LRP1B: variants seen among roughly 807,000 people sequenced by gnomAD.
The protein encoded by LRP1B is low-density lipoprotein receptor-related protein 1B.
A neutral mutation model predicts 556.6 loss-of-function variants in LRP1B; 217 were observed. The observed-to-expected ratio is 0.39, with a 90% CI of 0.35 to 0.44. LRP1B has a LOEUF of 0.44. LRP1B is among the 20% of genes least tolerant of loss of function. The pLI, the probability that LRP1B is intolerant of heterozygous loss-of-function variation, is 1.00. For synonymous variants in LRP1B, 2,047 were observed against 1,865.8 expected (o/e 1.10, Z -2.50); for missense variants, 5,053 against 5,620.8 (o/e 0.90, Z 3.23).
At chr2:140,719,234 A>T (rs1254772303) in intron 35 of LRP1B, among the ~76,000 whole-genome samples, 2 of 152,112 alleles carry the variant, frequency 1.3e-5, no homozygotes, top group East Asian at 3.9e-4. Flanking sequence ...TGGGAGGCAG[A>T]TACAAAGAAA....
At chr2:140,998,441 T>TC (rs1162138376) in intron 15 of LRP1B, among the ~76,000 whole-genome samples, 1 of 152,076 alleles carries the variant, frequency 6.6e-6, no homozygotes, top group Non-Finnish European at 1.5e-5. Flanking sequence ...TGTGTTTTTT[T>TC]CCCACAAACA....
chr2:141,712,905 C>T (rs62166558), intron 2 of LRP1B, among the ~76,000 whole-genome samples: 2 of 144,028 alleles, frequency 1.4e-5, no homozygotes, highest in Admixed American at 1.4e-4. Context: ...GTCTCTAACT[C>T]CTGACCTCAT....
intron 7 of LRP1B, among the ~76,000 whole-genome samples, chr2:141,179,272 G>A (rs1305625891): frequency 6.6e-6 from 1 of 152,036 alleles, no homozygotes; most frequent in Non-Finnish European, 1.5e-5. Flanking sequence ...TTAGGTATGT[G>A]TTGAAATTAG....
At chr2:141,998,921 T>C (rs528859238) in intron 1 of LRP1B, among the ~76,000 whole-genome samples, 300 of 152,308 alleles carry the variant, frequency 2.0e-3, no homozygotes, top group Non-Finnish European at 3.2e-3. Flanking sequence ...GACAAACTGT[T>C]AGTTAATTCC....
chr2:140,850,006 A>G (rs1573801400), intron 29 of LRP1B, 96 bp downstream of exon 29: 1 of 776,172 alleles, frequency 1.3e-6, no homozygotes, highest in East Asian at 2.6e-5. Flanking sequence ...TTAACAGCAT[A>G]AAGTTGAATA....
chr2:141,222,382 T>G (rs1453819279), intron 6 of LRP1B, among the ~76,000 whole-genome samples: 1 of 152,108 alleles, frequency 6.6e-6, no homozygotes, highest in Admixed American at 6.5e-5. Flanking sequence ...ACTGAGACAC[T>G]AATAAATAGC....
chr2:141,603,106 A>G (rs750766049), intron 2 of LRP1B, among the ~76,000 whole-genome samples: 22 of 152,200 alleles, frequency 1.4e-4, no homozygotes, highest in Non-Finnish European at 2.6e-4. Context: ...CCTGAATTAA[A>G]TTTAAGCATA....
Position 141,480,440 on chromosome 2 carries a change from A to G in LRP1B, c.299T>C (p.Val100Ala). The G allele has an allele frequency of 6.2e-7, 1 of 1,613,998 alleles. No homozygotes were observed. The highest frequency in any genetic ancestry group is 1.1e-5 in the South Asian group (1 of 91,080). ...GTCATACCCATCTGGGCAGTCCAAG[A>G]CACCATTGCACAGCTGGGATAAATG... is the stretch of plus-strand genomic sequence containing the variant. ...CVHLSQLCNG[V>A]LDCPDGYDEG... Residue 100 changes from valine (V) to alanine (A), a missense_variant, in exon 3 of 91, where the codon GTC (valine) becomes GCC (alanine). Val to Ala is a moderately conservative substitution (Grantham distance 64, BLOSUM62 0). Transcript: ENST00000389484.
intron 11 of LRP1B, among the ~76,000 whole-genome samples, chr2:141,044,613 C>A (rs1346396039): frequency 6.6e-6 from 1 of 151,734 alleles, no homozygotes; most frequent in Non-Finnish European, 1.5e-5. Context: ...GGGCAAAGGA[C>A]ATGAACAGAC....
chr2:140,309,292 T>C (rs1684197078), intron 83 of LRP1B, among the ~76,000 whole-genome samples: 1 of 151,874 alleles, frequency 6.6e-6, no homozygotes, highest in African/African-American at 2.4e-5. Flanking sequence ...TAATATATTC[T>C]GATATGCTTC....
chr2:140,706,340 C>T (rs1289175117), intron 37 of LRP1B, among the ~76,000 whole-genome samples: 1 of 152,000 alleles, frequency 6.6e-6, no homozygotes, highest in African/African-American at 2.4e-5. Flanking sequence ...ACATGTAGCC[C>T]TACTAAAAAT....
intron 1 of LRP1B, among the ~76,000 whole-genome samples, chr2:141,982,089 T>G (rs545467123): frequency 6.6e-6 from 1 of 152,278 alleles, no homozygotes; most frequent in Non-Finnish European, 1.5e-5. Context: ...TGCTTTTTGT[T>G]TAATAATAAC....
chr2:141,612,201 G>A (rs1331822600), intron 2 of LRP1B, among the ~76,000 whole-genome samples: 1 of 152,176 alleles, frequency 6.6e-6, no homozygotes, highest in African/African-American at 2.4e-5. Flanking sequence ...TCTGACTATG[G>A]ATCAGAAGAT....
chr2:140,458,887 A>G (rs1447827925), intron 60 of LRP1B, among the ~76,000 whole-genome samples: 1 of 152,040 alleles, frequency 6.6e-6, no homozygotes, highest in African/African-American at 2.4e-5. Flanking sequence ...TACAACTAAA[A>G]GACAATAGAA....
At chr2:140,559,417 T>TA (rs1680851530) in intron 43 of LRP1B, among the ~76,000 whole-genome samples, 1 of 151,976 alleles carries the variant, frequency 6.6e-6, no homozygotes, top group African/African-American at 2.4e-5. Context: ...ATGACCAGAG[T>TA]AAGTACAGAG....
intron 3 of LRP1B, among the ~76,000 whole-genome samples, chr2:141,409,478 C>T (rs375983880): frequency 3.3e-5 from 5 of 152,174 alleles, no homozygotes; most frequent in Admixed American, 1.3e-4. Context: ...ACGTTCAATA[C>T]GAATCAGTTC....
At chr2:141,434,724 C>T (rs58406372) in intron 3 of LRP1B, among the ~76,000 whole-genome samples, 25 of 150,006 alleles carry the variant, frequency 1.7e-4, no homozygotes, top group African/African-American at 3.7e-4. Context: ...AATCTTCATA[C>T]GAATCCTAGC....
intron 1 of LRP1B, among the ~76,000 whole-genome samples, chr2:141,834,593 G>T (rs779430986): frequency 1.3e-4 from 20 of 151,860 alleles, no homozygotes; most frequent in Non-Finnish European, 2.7e-4. Context: ...TGTTATTGAA[G>T]GCAATGATAT....
chr2:141,203,894 A>G (rs1682152991), intron 6 of LRP1B, among the ~76,000 whole-genome samples: 1 of 152,168 alleles, frequency 6.6e-6, no homozygotes, highest in South Asian at 2.1e-4. Context: ...AAACCACACA[A>G]CTACATGGAA....
Sources: gnomAD v4.1 joint callset for allele counts (sites outside exome capture counted in the v4.1 genomes callset) on GRCh38, gnomAD v4.1.1 for gene constraint, MANE v1.5 for transcripts, NCBI Gene and HGNC (gene_info 2026-07-23, HGNC 2026-07-21) for gene names.